Variants in CLYBL observed in about 807,000 individuals in gnomAD.
CLYBL encodes the protein citramalyl-CoA lyase, mitochondrial.
A neutral mutation model predicts 38.9 loss-of-function variants in CLYBL; 31 were observed. That is an observed-to-expected ratio of 0.80 (90% CI 0.60 to 1.08). CLYBL has a LOEUF of 1.08. Among genes scored for constraint, CLYBL ranks in the 50% least tolerant of loss-of-function variants. The pLI is 0.00. For missense variants in CLYBL, 434 were observed against 411.6 expected (o/e 1.05, Z -0.47); for synonymous variants, 171 against 158.6 (o/e 1.08, Z -0.59).
intron 1 of CLYBL, among the ~76,000 whole-genome samples, chr13:99,737,506 A>G (rs1001851563): frequency 5.9e-5 from 9 of 152,242 alleles, no homozygotes; most frequent in Non-Finnish European, 8.8e-5. Flanking sequence ...TCCAAAGCCC[A>G]TGCTCTTCAC....
intron 7 of CLYBL, among the ~76,000 whole-genome samples, chr13:99,873,347 T>C (rs1385120244): frequency 5.3e-5 from 8 of 152,214 alleles, no homozygotes. Flanking sequence ...TGCACAATTA[T>C]ATAAAGTATT....
chr13:99,872,847 T>C (rs1457995818), intron 7 of CLYBL, among the ~76,000 whole-genome samples: 2 of 152,172 alleles, frequency 1.3e-5, no homozygotes, highest in African/African-American at 4.8e-5. Context: ...AAAATGGCCC[T>C]TTTCCATTGT....
chr13:99,716,169 ATTTTTTTTTTTTTTTTTTTTTTT>A lies in CLYBL; in HGVS notation c.63-56639_63-56617del, dbSNP rs4001024. ...AAATTGTCCTTGCTTTATTGGTGTA[ATTTTTTTTTTTTTTTTTTTTTTT>A]TTTTTTTTTTTTTTTAGAGACAAGG... On this transcript the variant is annotated intron_variant, in intron 1 of 8. Transcript: ENST00000339105. Among the ~76,000 whole-genome samples the A allele has an allele frequency of 2.4e-4, 8 of 33,464 alleles. No homozygotes were observed. The South Asian group carries it at 6.1e-3, about 25-fold the overall frequency. The allele number at this position is 33,464 out of a possible 152,430, so 22.0% of individuals were successfully genotyped here.
chr13:99,811,110 C>G (rs1479092536), intron 2 of CLYBL, among the ~76,000 whole-genome samples: 1 of 152,188 alleles, frequency 6.6e-6, no homozygotes, highest in Non-Finnish European at 1.5e-5. Flanking sequence ...CCAAAGTGAC[C>G]TGATTTCCAT....
intron 7 of CLYBL, among the ~76,000 whole-genome samples, chr13:99,888,728 AAC>A (rs2052415705): frequency 6.6e-6 from 1 of 152,204 alleles, no homozygotes; most frequent in Non-Finnish European, 1.5e-5. Context: ...CAGCCTGAGC[AAC>A]AGAGCGAGAC....
At chr13:99,882,664 C>CAA (rs111979983) in intron 7 of CLYBL, among the ~76,000 whole-genome samples, 68 of 139,198 alleles carry the variant, frequency 4.9e-4, no homozygotes, top group African/African-American at 1.2e-3. Context: ...GACCCTGTCT[C>CAA]AAAAAAAAAA....
chr13:99,905,063 G>A (rs542140647), intron 8 of CLYBL, among the ~76,000 whole-genome samples: 195 of 152,006 alleles, frequency 1.3e-3, no homozygotes, highest in African/African-American at 4.5e-3. Context: ...ACAGGTCTCA[G>A]AGGGAAAGGG....
chr13:99,847,975 C>T (rs184336186), intron 2 of CLYBL, among the ~76,000 whole-genome samples: 2 of 152,290 alleles, frequency 1.3e-5, no homozygotes, highest in East Asian at 3.9e-4. Context: ...TGTCTGTCTG[C>T]CTGTCTGTCT....
intron 1 of CLYBL, among the ~76,000 whole-genome samples, chr13:99,758,144 T>C (rs2049099909): frequency 6.6e-6 from 1 of 152,140 alleles, no homozygotes; most frequent in South Asian, 2.1e-4. Context: ...CTGAGTAGGG[T>C]CCAGAATTTG....
At chr13:99,672,526 C>T (rs1021578071) in intron 1 of CLYBL, among the ~76,000 whole-genome samples, 1 of 151,866 alleles carries the variant, frequency 6.6e-6, no homozygotes, top group East Asian at 1.9e-4. Context: ...ATAATTCCAG[C>T]ACTTTGGGAG....
intron 1 of CLYBL, among the ~76,000 whole-genome samples, chr13:99,691,474 G>A (rs900128998): frequency 6.6e-6 from 1 of 151,930 alleles, no homozygotes; most frequent in African/African-American, 2.4e-5. Flanking sequence ...TTCAGGGAAC[G>A]ACGTTTAAAA....
chr13:99,732,867 T>G (rs2048613776), intron 1 of CLYBL, among the ~76,000 whole-genome samples: 1 of 152,218 alleles, frequency 6.6e-6, no homozygotes, highest in Admixed American at 6.5e-5. Context: ...GTTTTTCATT[T>G]GAATGATTAA....
intron 7 of CLYBL, among the ~76,000 whole-genome samples, chr13:99,880,784 C>T (rs113758913): frequency 3.3e-4 from 50 of 152,360 alleles, no homozygotes; most frequent in African/African-American, 1.2e-3. Flanking sequence ...CCTTCCGTGC[C>T]CCTCATGGCC....
intron 6 of CLYBL, among the ~76,000 whole-genome samples, chr13:99,870,576 A>G (rs2051862673): frequency 6.6e-6 from 1 of 152,196 alleles, no homozygotes; most frequent in Non-Finnish European, 1.5e-5. Context: ...CTTCAACTCA[A>G]AATAATCCCT....
chr13:99,853,303 C>T (rs1566354471), intron 2 of CLYBL, among the ~76,000 whole-genome samples: 1 of 151,994 alleles, frequency 6.6e-6, no homozygotes, highest in Non-Finnish European at 1.5e-5. Context: ...CCTCAGCCTT[C>T]TTAGTCTTTT....
At chr13:99,657,322 A>G (rs1400543915) in intron 1 of CLYBL, among the ~76,000 whole-genome samples, 1 of 152,252 alleles carries the variant, frequency 6.6e-6, no homozygotes, top group Non-Finnish European at 1.5e-5. Context: ...GTGGAGACAC[A>G]TGGCTTTGCA....
intron 1 of CLYBL, among the ~76,000 whole-genome samples, chr13:99,651,787 C>G (rs1445880426): frequency 6.6e-6 from 1 of 151,668 alleles, no homozygotes; most frequent in East Asian, 1.9e-4. Flanking sequence ...AAAAAATTAG[C>G]CAGGCCTGGT....
intron 1 of CLYBL, among the ~76,000 whole-genome samples, chr13:99,668,846 C>T (rs1031799165): frequency 2.0e-5 from 3 of 151,930 alleles, no homozygotes; most frequent in African/African-American, 4.8e-5. Context: ...ACTCCAAGGC[C>T]GTGATATGAT....
At chr13:99,878,126 A>G (rs2052099099) in intron 7 of CLYBL, among the ~76,000 whole-genome samples, 1 of 152,222 alleles carries the variant, frequency 6.6e-6, no homozygotes, top group Non-Finnish European at 1.5e-5. Flanking sequence ...CAAATTCCTG[A>G]CAATGCTAAA....
Sources: gnomAD v4.1 joint callset for allele counts (sites outside exome capture counted in the v4.1 genomes callset) on GRCh38, gnomAD v4.1.1 for gene constraint, MANE v1.5 for transcripts, NCBI Gene and HGNC (gene_info 2026-07-23, HGNC 2026-07-21) for gene names.